C17orf67: variants seen among roughly 807,000 people sequenced by gnomAD.
The protein encoded by C17orf67 is uncharacterized protein C17orf67.
C17orf67 carries 12 observed loss-of-function variants against 11.2 expected under a neutral mutation model. The observed-to-expected ratio is 1.07, with a 90% CI of 0.68 to 1.73. C17orf67 has a LOEUF of 1.73. C17orf67 is among the 40% of genes most tolerant of loss of function. The pLI, the probability that C17orf67 is intolerant of heterozygous loss-of-function variation, is 0.00. For synonymous variants in C17orf67, 59 were observed against 46.9 expected (o/e 1.26, Z -1.05); for missense variants, 115 against 113.5 (o/e 1.01, Z -0.06).
chr17:56,802,179 G>C (rs2144118540), intron 6 of C17orf67, among the ~76,000 whole-genome samples: 1 of 152,274 alleles, frequency 6.6e-6, no homozygotes, highest in African/African-American at 2.4e-5. Flanking sequence ...GTGGGACCCA[G>C]ATTAATTGTC....
chr17:56,830,108 C>CTGATCA (rs1473286616), intron 2 of C17orf67, among the ~76,000 whole-genome samples: 1 of 152,004 alleles, frequency 6.6e-6, no homozygotes. Flanking sequence ...CTTTGGGAGG[C>CTGATCA]TGAGGCAGGC....
At chr17:56,813,888 A>G (rs1905691204) in intron 6 of C17orf67, among the ~76,000 whole-genome samples, 1 of 152,144 alleles carries the variant, frequency 6.6e-6, no homozygotes, top group Non-Finnish European at 1.5e-5. Flanking sequence ...AGATGAAAGT[A>G]CTGAGCTGCA....
At chr17:56,803,527 C>T (rs1422619863) in intron 6 of C17orf67, among the ~76,000 whole-genome samples, 1 of 152,138 alleles carries the variant, frequency 6.6e-6, no homozygotes, top group Non-Finnish European at 1.5e-5. Flanking sequence ...ATGGCAGTGA[C>T]CAAAGTATAT....
At chr17:56,801,387 G>A (rs1359669326) in intron 6 of C17orf67, among the ~76,000 whole-genome samples, 1 of 152,150 alleles carries the variant, frequency 6.6e-6, no homozygotes, top group Non-Finnish European at 1.5e-5. Context: ...AAAGGGTCGG[G>A]TCCACTATAG....
chr17:56,806,730 T>C (rs552327282), intron 6 of C17orf67, among the ~76,000 whole-genome samples: 33 of 152,326 alleles, frequency 2.2e-4, no homozygotes, highest in South Asian at 6.2e-4. Flanking sequence ...AGGAAGTCAT[T>C]GGCAGGTTTT....
chr17:56,828,106 T>TAA (rs1390255527), intron 2 of C17orf67, among the ~76,000 whole-genome samples: 1 of 69,088 alleles, frequency 1.4e-5, no homozygotes, highest in Non-Finnish European at 2.6e-5. Flanking sequence ...AGACTCAGTC[T>TAA]CAAAAAAAAA....
At chr17:56,819,554 A>T (rs1905846808) in intron 4 of C17orf67, among the ~76,000 whole-genome samples, 1 of 152,138 alleles carries the variant, frequency 6.6e-6, no homozygotes, top group Non-Finnish European at 1.5e-5. Context: ...CGGAGCCTGT[A>T]TCACACCCTG....
At chr17:56,810,561 T>C (rs553049001) in intron 6 of C17orf67, among the ~76,000 whole-genome samples, 58 of 152,218 alleles carry the variant, frequency 3.8e-4, no homozygotes, top group Non-Finnish European at 7.3e-4. Flanking sequence ...GGGACATCTG[T>C]GCGCAGCTGT....
intron 6 of C17orf67, among the ~76,000 whole-genome samples, chr17:56,808,332 C>T (rs1905506904): frequency 6.6e-6 from 1 of 152,170 alleles, no homozygotes; most frequent in Non-Finnish European, 1.5e-5. Context: ...TCCAGAGTTA[C>T]CATAAAATAA....
intron 4 of C17orf67, among the ~76,000 whole-genome samples, chr17:56,818,678 A>G (rs1175148441): frequency 6.6e-6 from 1 of 152,220 alleles, no homozygotes; most frequent in Non-Finnish European, 1.5e-5. Flanking sequence ...TTAATATTAT[A>G]TTTTAACATG....
chr17:56,809,659 G>C, intron 6 of C17orf67, among the ~76,000 whole-genome samples: 1 of 109,254 alleles, frequency 9.2e-6, no homozygotes, highest in African/African-American at 3.6e-5. Flanking sequence ...ACCCCTCACA[G>C]ACTGCTCACA....
chr17:56,795,024 G>A lies in C17orf67; in HGVS notation c.*20+20C>T. ...CACCACTCCCTCAGACAGAGGTCCG[G>A]GAGAGAGAAGGAGACGTACCGAGGC... On this transcript the variant is annotated intron_variant, in intron 7 of 7. Transcript: ENST00000397861. The A allele has an allele frequency of 1.3e-6, 2 of 1,544,804 alleles. No individual in the cohort carries two copies. Among genetic ancestry groups the A allele is most frequent in the Non-Finnish European group, 1.8e-6 (2 of 1,118,678 alleles).
At chr17:56,822,934 T>C (rs1405993360) in intron 4 of C17orf67, among the ~76,000 whole-genome samples, 5 of 152,208 alleles carry the variant, frequency 3.3e-5, no homozygotes, top group African/African-American at 7.2e-5. Flanking sequence ...CTCTAATTTC[T>C]ACTCTGGGTC....
chr17:56,806,208 T>C (rs987366140), intron 6 of C17orf67, among the ~76,000 whole-genome samples: 1 of 152,076 alleles, frequency 6.6e-6, no homozygotes, highest in Non-Finnish European at 1.5e-5. Flanking sequence ...TCTCCTGACC[T>C]CATGATCCGG....
In C17orf67 at chr17:56,833,677, C is replaced by G. The variant is rs1034141394; in HGVS notation, c.-1061G>C. On this transcript the variant is annotated 5_prime_UTR_variant, in exon 1 of 8. Coordinates refer to ENST00000397861, the MANE Select transcript of C17orf67 (RefSeq NM_001085430.4). ...GCAGGCCGCCTCCCCCCCTCGCTTCCCAGTCGGCTTACGCATCCCCGGCGG... is the reference window on the plus strand; with the variant it reads ...GCAGGCCGCCTCCCCCCCTCGCTTCGCAGTCGGCTTACGCATCCCCGGCGG... 3 of 152,052 alleles carry G rather than the reference C, an allele frequency of 2.0e-5. No homozygotes were observed. Among genetic ancestry groups the G allele is most frequent in the Non-Finnish European group, 2.9e-5 (2 of 68,144 alleles). The allele number at this position is 152,052 out of a possible 1,614,324, so 9.4% of individuals were successfully genotyped here.
At chr17:56,797,714 T>G (rs369432247) in intron 6 of C17orf67, among the ~76,000 whole-genome samples, 3 of 152,184 alleles carry the variant, frequency 2.0e-5, no homozygotes, top group East Asian at 3.9e-4. Context: ...TGCATGAAAT[T>G]TTTGTCTTTG....
At chr17:56,830,878 C>G (rs1236627463) in intron 2 of C17orf67, among the ~76,000 whole-genome samples, 1 of 152,110 alleles carries the variant, frequency 6.6e-6, no homozygotes, top group African/African-American at 2.4e-5. Context: ...GAGGGAGCAC[C>G]TGGGCAACGA....
At chr17:56,818,262 A>G (rs370882755) in intron 4 of C17orf67, among the ~76,000 whole-genome samples, 1 of 152,216 alleles carries the variant, frequency 6.6e-6, no homozygotes, top group Non-Finnish European at 1.5e-5. Flanking sequence ...GTTGGATAGA[A>G]CACTATTTTG....
chr17:56,813,039 G>A (rs1905668118), intron 6 of C17orf67, among the ~76,000 whole-genome samples: 1 of 152,160 alleles, frequency 6.6e-6, no homozygotes, highest in African/African-American at 2.4e-5. Flanking sequence ...GAAAATGTCA[G>A]GGGGCAGATG....
Sources: gnomAD v4.1 joint callset for allele counts (sites outside exome capture counted in the v4.1 genomes callset) on GRCh38, gnomAD v4.1.1 for gene constraint, MANE v1.5 for transcripts, NCBI Gene and HGNC (gene_info 2026-07-23, HGNC 2026-07-21) for gene names.